The following RNLS variants were observed in gnomAD, a reference collection of about 807,000 sequenced individuals.
The protein encoded by RNLS is renalase, FAD dependent amine oxidase, also known as renalase.
RNLS carries 39 observed loss-of-function variants against 39.8 expected under a neutral mutation model. That is an observed-to-expected ratio of 0.98 (90% CI 0.76 to 1.28). RNLS has a LOEUF of 1.28. Among genes scored for constraint, RNLS ranks in the 50% most tolerant of loss-of-function variants. RNLS has a pLI of 0.00. For synonymous variants in RNLS, 147 were observed against 150.7 expected (o/e 0.98, Z 0.18); for missense variants, 410 against 413.3 (o/e 0.99, Z 0.07).
chr10:88,245,440 T>C, the RNLS span, among the ~76,000 whole-genome samples: 1 of 152,132 alleles, frequency 6.6e-6, no homozygotes, highest in Non-Finnish European at 1.5e-5. Context: ...ACCTTCCTAA[T>C]TCAACCTGAG....
intron 4 of RNLS, among the ~76,000 whole-genome samples, chr10:88,409,562 AT>A (rs1853526962): frequency 6.6e-6 from 1 of 152,134 alleles, no homozygotes; most frequent in East Asian, 1.9e-4. Context: ...TGCAGTCCAT[AT>A]CCCCCATATT....
At chr10:88,183,006 A>G in the RNLS span, among the ~76,000 whole-genome samples, 3 of 152,074 alleles carry the variant, frequency 2.0e-5, no homozygotes, top group East Asian at 1.9e-4. Flanking sequence ...CAGCTTACTC[A>G]TCTGTAAAAT....
chr10:88,544,714 G>A (rs900870004), intron 4 of RNLS, among the ~76,000 whole-genome samples: 1 of 152,048 alleles, frequency 6.6e-6, no homozygotes. Context: ...AAACAAATAT[G>A]GGTACCTGAA....
intron 4 of RNLS, among the ~76,000 whole-genome samples, chr10:88,372,798 C>A (rs1431904031): frequency 1.3e-5 from 2 of 152,152 alleles, no homozygotes; most frequent in African/African-American, 4.8e-5. Context: ...ATCTTCTCTT[C>A]ACGTATTTGG....
intron 6 of RNLS, among the ~76,000 whole-genome samples, chr10:88,291,353 C>T (rs757443250): frequency 1.3e-5 from 2 of 152,160 alleles, no homozygotes; most frequent in African/African-American, 2.4e-5. Context: ...TACTGGTTAT[C>T]TAAGAATCCA....
chr10:88,191,713 C>A, the RNLS span, among the ~76,000 whole-genome samples: 1 of 152,310 alleles, frequency 6.6e-6, no homozygotes, highest in South Asian at 2.1e-4. Context: ...CGAAGCTACT[C>A]TCAATCTTCA....
intron 5 of RNLS, among the ~76,000 whole-genome samples, chr10:88,323,238 CT>C (rs1462045377): frequency 6.6e-6 from 1 of 152,056 alleles, no homozygotes; most frequent in Admixed American, 6.6e-5. Context: ...AGTGAAGTTC[CT>C]ACCAAATTAC....
At chr10:88,387,526 G>C (rs200935730) in intron 4 of RNLS, among the ~76,000 whole-genome samples, 1 of 131,712 alleles carries the variant, frequency 7.6e-6, no homozygotes, top group Admixed American at 7.6e-5. Context: ...AAAAAAAAAG[G>C]AAGATTATTT....
intron 5 of RNLS, among the ~76,000 whole-genome samples, chr10:88,336,864 G>C (rs1240376406): frequency 2.0e-5 from 3 of 152,160 alleles, no homozygotes; most frequent in Admixed American, 2.0e-4. Context: ...AAAGCCCTGA[G>C]AGCGGAGTAG....
chr10:88,476,504 G>C (rs1843830567), intron 4 of RNLS, among the ~76,000 whole-genome samples: 1 of 152,126 alleles, frequency 6.6e-6, no homozygotes, highest in African/African-American at 2.4e-5. Context: ...GGGGACAACA[G>C]AGTAAATAAA....
rs192500580 is a variant in RNLS, at chr10:88,389,384, G to C, written c.527-26659C>G. Among the ~76,000 whole-genome samples the C allele has an allele frequency of 3.6e-3, 544 of 152,100 alleles. 4 individuals are homozygous for C. Among genetic ancestry groups the C allele is most frequent in the Middle Eastern group, 6.8e-3 (2 of 294 alleles). On this transcript the variant is annotated intron_variant, in intron 4 of 6. Coordinates refer to ENST00000331772, the MANE Select transcript of RNLS (RefSeq NM_001031709.3). ...GAGCTCACACATTGGCCATAATAAA[G>C]CCTGCTATCTATTTTTGATTTGTCA...
intron 4 of RNLS, among the ~76,000 whole-genome samples, chr10:88,414,342 GTTA>G (rs1853883655): frequency 6.6e-6 from 1 of 152,110 alleles, no homozygotes; most frequent in African/African-American, 2.4e-5. Context: ...GGATGAGGCT[GTTA>G]TTTAAAGACT....
intron 4 of RNLS, among the ~76,000 whole-genome samples, chr10:88,539,949 G>A (rs1017653348): frequency 1.3e-5 from 2 of 151,620 alleles, no homozygotes; most frequent in Non-Finnish European, 2.9e-5. Context: ...TAATACTACA[G>A]CCCGTAAACT....
At chr10:88,391,548 C>T (rs1852203168) in intron 4 of RNLS, among the ~76,000 whole-genome samples, 1 of 152,096 alleles carries the variant, frequency 6.6e-6, no homozygotes, top group African/African-American at 2.4e-5. Context: ...CAGAGCGAGA[C>T]TCCGTCTAAA....
chr10:88,551,594 T>C (rs948980912), intron 4 of RNLS, among the ~76,000 whole-genome samples: 3 of 152,166 alleles, frequency 2.0e-5, no homozygotes, highest in Admixed American at 6.5e-5. Flanking sequence ...TGAAAACATC[T>C]AGTGCTTGTG....
the RNLS span, among the ~76,000 whole-genome samples, chr10:88,203,454 GTGTATATATATA>G: frequency 8.4e-3 from 7 of 836 alleles, 3 homozygotes; most frequent in Non-Finnish European, 0.02. Flanking sequence ...GTGTGTGTGT[GTGTATATATATA>G]TATATATATA....
At chr10:88,451,255 C>T (rs956669965) in intron 4 of RNLS, among the ~76,000 whole-genome samples, 2 of 152,172 alleles carry the variant, frequency 1.3e-5, no homozygotes, top group African/African-American at 2.4e-5. Flanking sequence ...TTCTGGTATG[C>T]ACACTCCTCC....
chr10:88,528,412 A>G (rs1847232305), intron 4 of RNLS, among the ~76,000 whole-genome samples: 1 of 152,198 alleles, frequency 6.6e-6, no homozygotes, highest in African/African-American at 2.4e-5. Context: ...GATGTACTTT[A>G]CCCAAACAAG....
chr10:88,359,688 A>C (rs1849486373), intron 5 of RNLS, among the ~76,000 whole-genome samples: 1 of 152,246 alleles, frequency 6.6e-6, no homozygotes, highest in Non-Finnish European at 1.5e-5. Flanking sequence ...TGCTGATATA[A>C]AAAATTTTTA....
Sources: allele counts gnomAD v4.1 joint callset (sites outside exome capture counted in the v4.1 genomes callset), GRCh38; gene constraint gnomAD v4.1.1; transcripts MANE v1.5; gene names NCBI Gene and HGNC (gene_info 2026-07-23, HGNC 2026-07-21).